MAST4: variants seen among roughly 807,000 people sequenced by gnomAD.
The protein encoded by MAST4 is microtubule associated serine/threonine kinase family member 4, also known as microtubule-associated serine/threonine-protein kinase 4.
A neutral mutation model predicts 162.7 loss-of-function variants in MAST4; 89 were observed. The ratio of observed to expected loss-of-function variants is 0.55; its 90% confidence interval spans 0.46 to 0.65. MAST4 has a LOEUF of 0.65. Among genes scored for constraint, MAST4 ranks in the 30% least tolerant of loss-of-function variants. The probability of loss-of-function intolerance (pLI) is 0.00; values close to 1 mark genes in which losing one functional copy is unlikely to be tolerated. For missense variants in MAST4, 3,153 were observed against 3,374.0 expected (o/e 0.93, Z 1.62); for synonymous variants, 1,479 against 1,361.1 (o/e 1.09, Z -1.91).
rs72272071 is a variant in MAST4, at chr5:66,608,355, CTTTTTTTTTTTTTTTTT to C, written c.363+11352_363+11368del. On this transcript the variant is annotated intron_variant, in intron 1 of 28. Transcript: ENST00000403625. Reference sequence around the variant, plus strand: ...ACAGACATGAACCACTGTGCCTGGCCTTTTTTTTTTTTTTTTTTTTTTTTTTTTTTTGATGGCGAGAA... The same window carrying C: ...ACAGACATGAACCACTGTGCCTGGCCTTTTTTTTTTTTTTGATGGCGAGAA... 8.8e-4 allele frequency among the ~76,000 whole-genome samples: 39 copies of C among 44,420 alleles called. 1 individual carries two copies. In the East Asian group the frequency reaches 0.017, roughly 19 times the overall value. 29.1% of individuals were successfully genotyped at this position (44,420 alleles called of 152,430 possible).
chr5:67,024,875 G>A, intron 4 of MAST4, among the ~76,000 whole-genome samples: 1 of 151,764 alleles, frequency 6.6e-6, no homozygotes, highest in East Asian at 1.9e-4. Context: ...GAATGAAACA[G>A]CGTAATGAGA....
At chr5:67,057,428 A>G (rs941885559) in intron 5 of MAST4, among the ~76,000 whole-genome samples, 5 of 152,088 alleles carry the variant, frequency 3.3e-5, no homozygotes, top group South Asian at 2.1e-4. Flanking sequence ...TACCTATCAG[A>G]TGTATCAGTA....
intron 1 of MAST4, among the ~76,000 whole-genome samples, chr5:66,636,030 T>G (rs939038651): frequency 2.3e-5 from 3 of 129,828 alleles, no homozygotes; most frequent in Non-Finnish European, 4.7e-5. Flanking sequence ...CAATCTCAGC[T>G]CACTGCAACC....
intron 4 of MAST4, among the ~76,000 whole-genome samples, chr5:67,005,904 A>G (rs539628978): frequency 1.3e-5 from 2 of 152,344 alleles, no homozygotes; most frequent in South Asian, 2.1e-4. Context: ...CCTTGCATGT[A>G]CATGTGAACA....
chr5:66,935,841 T>C (rs1013044852), intron 4 of MAST4, among the ~76,000 whole-genome samples: 2 of 152,080 alleles, frequency 1.3e-5, no homozygotes, highest in African/African-American at 4.8e-5. Context: ...CTAATTTTTG[T>C]ATTTTTAGTA....
In MAST4 at chr5:66,776,105, G is replaced by A. The variant is rs537357907; in HGVS notation, c.518-12565G>A. 1.4e-4 allele frequency among the ~76,000 whole-genome samples: 22 copies of A among 152,292 alleles called. No individual in the cohort carries two copies. The South Asian group carries it at 3.9e-3, about 27-fold the overall frequency. On this transcript the variant is annotated intron_variant, in intron 2 of 28. Coordinates refer to ENST00000403625, the MANE Select transcript of MAST4 (RefSeq NM_001164664.2). ...GAGTTTCCTTGTAAAAATAGAGAAC[G>A]TGTTAGGAAATTTAGACTTGTCTGG...
chr5:66,631,486 A>G (rs1744790928), intron 1 of MAST4, among the ~76,000 whole-genome samples: 1 of 152,172 alleles, frequency 6.6e-6, no homozygotes, highest in African/African-American at 2.4e-5. Flanking sequence ...CACGAAGGAA[A>G]GGAGCCACAG....
At chr5:66,924,536 G>T (rs970198607) in intron 4 of MAST4, among the ~76,000 whole-genome samples, 37 of 152,012 alleles carry the variant, frequency 2.4e-4, no homozygotes, top group African/African-American at 8.4e-4. Context: ...TGGGACTATA[G>T]GCGTCCGCCA....
chr5:66,886,946 T>C (rs1315217174), intron 3 of MAST4, among the ~76,000 whole-genome samples: 1 of 152,102 alleles, frequency 6.6e-6, no homozygotes, highest in African/African-American at 2.4e-5. Flanking sequence ...GGGGATCATT[T>C]TGACTTTGAG....
At chr5:66,648,675 T>C (rs1487333717) in intron 1 of MAST4, among the ~76,000 whole-genome samples, 1 of 152,188 alleles carries the variant, frequency 6.6e-6, no homozygotes, top group African/African-American at 2.4e-5. Context: ...TGTCCTGAGA[T>C]GTTTCTAAAT....
At chr5:66,671,277 C>G (rs1747594363) in intron 1 of MAST4, among the ~76,000 whole-genome samples, 2 of 152,078 alleles carry the variant, frequency 1.3e-5, no homozygotes, top group Admixed American at 6.6e-5. Flanking sequence ...GGATGGAGAC[C>G]TCGTCTTCCC....
At chr5:66,618,532 T>A (rs914287936) in intron 1 of MAST4, among the ~76,000 whole-genome samples, 2 of 152,170 alleles carry the variant, frequency 1.3e-5, no homozygotes, top group African/African-American at 4.8e-5. Flanking sequence ...AAATACAAAT[T>A]TATGTCACCA....
intron 1 of MAST4, among the ~76,000 whole-genome samples, chr5:66,695,142 A>G (rs922398854): frequency 3.3e-5 from 5 of 151,938 alleles, no homozygotes; most frequent in African/African-American, 1.2e-4. Flanking sequence ...TAGTGTTTTT[A>G]TAGTTTTGCA....
At chr5:66,887,064 A>G (rs1279380701) in intron 3 of MAST4, among the ~76,000 whole-genome samples, 1 of 152,180 alleles carries the variant, frequency 6.6e-6, no homozygotes, top group Non-Finnish European at 1.5e-5. Context: ...AAACAAAAAC[A>G]AAAACGAAAC....
At chr5:66,883,764 C>A (rs1053038653) in intron 3 of MAST4, among the ~76,000 whole-genome samples, 7 of 152,112 alleles carry the variant, frequency 4.6e-5, no homozygotes, top group Non-Finnish European at 7.4e-5. Flanking sequence ...TCCTTATTTT[C>A]TGGGTTTATC....
At chr5:66,678,802 T>A (rs1348557946) in intron 1 of MAST4, among the ~76,000 whole-genome samples, 5 of 151,688 alleles carry the variant, frequency 3.3e-5, no homozygotes, top group Admixed American at 2.6e-4. Context: ...CCCAATTTTT[T>A]TTTTTTTGAG....
At chr5:66,689,777 T>A (rs1164872132) in intron 1 of MAST4, among the ~76,000 whole-genome samples, 1 of 152,226 alleles carries the variant, frequency 6.6e-6, no homozygotes, top group Non-Finnish European at 1.5e-5. Context: ...CAACAGTCAT[T>A]AAAACGTACA....
intron 1 of MAST4, among the ~76,000 whole-genome samples, chr5:66,719,972 G>A (rs1366522462): frequency 6.6e-6 from 1 of 152,142 alleles, no homozygotes; most frequent in African/African-American, 2.4e-5. Context: ...TTATGTATCA[G>A]CAGTAGGAAC....
chr5:66,621,010 GT>G lies in MAST4; in HGVS notation c.363+24002del, dbSNP rs941040181. Among the ~76,000 whole-genome samples, 1,399 of 148,662 alleles carry G rather than the reference GT, an allele frequency of 9.4e-3. 17 individuals are homozygous for G. Among genetic ancestry groups the G allele is most frequent in the African/African-American group, 0.032 (1,315 of 40,646 alleles). ...AGTCAGAATTGTTTCTAAATAGATT[GT>G]TTTTTTTTTCCCTGAATTCTCTGAG... is the stretch of plus-strand genomic sequence containing the variant. On this transcript the variant is annotated intron_variant, in intron 1 of 28. Coordinates refer to ENST00000403625, the MANE Select transcript of MAST4 (RefSeq NM_001164664.2).
Sources: allele counts gnomAD v4.1 joint callset (sites outside exome capture counted in the v4.1 genomes callset), GRCh38; gene constraint gnomAD v4.1.1; transcripts MANE v1.5; gene names NCBI Gene and HGNC (gene_info 2026-07-23, HGNC 2026-07-21).